Variants in PRTG observed in about 807,000 individuals in gnomAD.
PRTG encodes protogenin, also known as immunoglobulin superfamily, DCC subclass, member 5.
Under a neutral mutation model 122.5 loss-of-function variants are expected in PRTG, and 67 were observed. That is an observed-to-expected ratio of 0.55 (90% CI 0.45 to 0.67). The LOEUF is 0.67. PRTG is among the 30% of genes least tolerant of loss of function. PRTG has a pLI of 0.00. For synonymous variants in PRTG, 554 were observed against 501.1 expected, an observed-to-expected ratio of 1.11 and a Z score of -1.41; for missense variants, 1,435 against 1,415.4, an observed-to-expected ratio of 1.01 and a Z score of -0.22.
chr15:55,693,190 C>T (rs906371435), intron 2 of PRTG, among the ~76,000 whole-genome samples: 1 of 152,034 alleles, frequency 6.6e-6, no homozygotes, highest in African/African-American at 2.4e-5. Context: ...GGTGTGGTGG[C>T]TCACGCCTAT....
At chr15:55,720,554 C>T (rs2030776936) in intron 2 of PRTG, among the ~76,000 whole-genome samples, 1 of 152,122 alleles carries the variant, frequency 6.6e-6, no homozygotes, top group African/African-American at 2.4e-5. Context: ...ATTTTGTACT[C>T]ATGTGGTCGT....
intron 2 of PRTG, among the ~76,000 whole-genome samples, chr15:55,714,205 GTCTC>G (rs3049129): frequency 3.9e-4 from 56 of 142,776 alleles, no homozygotes; most frequent in Middle Eastern, 3.5e-3. Context: ...CTATTTATCT[GTCTC>G]TCTCTCTCTC....
rs1366411728 is a variant in PRTG at position 55,619,758 on chromosome 15, T to A, written c.*254A>T. On this transcript the variant is annotated 3_prime_UTR_variant, in exon 20 of 20. Transcript: ENST00000389286. ...AAAACAAAACACATTCAAAAAAAGC[T>A]AAAATACCCCATAAAGATATTAAGA... is the stretch of plus-strand genomic sequence containing the variant. 1.1e-5 allele frequency: 5 copies of A among 473,828 alleles called. No homozygotes were observed. The highest frequency in any genetic ancestry group is 1.8e-5 in the Non-Finnish European group (5 of 280,860). The allele number at this position is 473,828 out of a possible 1,614,324, so 29.4% of individuals were successfully genotyped here.
chr15:55,611,942 G>A lies in PRTG; in HGVS notation c.*8070C>T, dbSNP rs980232890. On this transcript the variant is annotated 3_prime_UTR_variant, in exon 20 of 20. Transcript: ENST00000389286. Reference sequence around the variant, plus strand: ...AAGAAAATGGTATACGGAGTGAAAGGATCCAGAACACCCATAATACAAAAT... The same window carrying A: ...AAGAAAATGGTATACGGAGTGAAAGAATCCAGAACACCCATAATACAAAAT... The A allele has an allele frequency of 6.6e-6, 1 of 151,666 alleles. No individual in the cohort carries two copies. Among genetic ancestry groups the A allele is most frequent in the African/African-American group, 2.4e-5 (1 of 41,270 alleles). 9.4% of individuals were successfully genotyped at this position (151,666 alleles called of 1,614,324 possible). A position where few individuals can be genotyped will look rare whatever the true frequency, so the allele number is the denominator to read the frequency against.
Position 55,680,570 on chromosome 15 carries a change from T to C in PRTG, c.735A>G (p.Thr245=), listed in dbSNP as rs781031095. The C allele has an allele frequency of 1.3e-6, 2 of 1,599,730 alleles. No individual in the cohort carries two copies. The highest frequency in any genetic ancestry group is 1.1e-5 in the South Asian group (1 of 87,218). ...PTIIAGPQNI[T]TSLHQTVVLE... is the part of the protein sequence containing the mutation. ...AAACTACAGTCTGATGAAGAGATGT[T>C]GTTATGTTCTGTGGACCTGCTATAA... is the stretch of plus-strand genomic sequence containing the variant. The change falls in exon 5 of 20, where the codon ACA becomes ACG. Residue 245 remains threonine (T), a synonymous_variant. Transcript: ENST00000389286.
At chr15:55,734,306 A>C (rs1368925674) in intron 2 of PRTG, among the ~76,000 whole-genome samples, 3 of 152,220 alleles carry the variant, frequency 2.0e-5, no homozygotes, top group African/African-American at 7.2e-5. Context: ...AAACTTTAAA[A>C]GGGTGACTCT....
At chr15:55,682,767 T>A (rs1363126525) in intron 3 of PRTG, among the ~76,000 whole-genome samples, 1 of 152,044 alleles carries the variant, frequency 6.6e-6, no homozygotes, top group Non-Finnish European at 1.5e-5. Flanking sequence ...TTCACCATGA[T>A]GATCAGGCTG....
rs8035477 is a variant in PRTG at position 55,738,002 on chromosome 15, C to A, written c.397+2380G>T. On this transcript the variant is annotated intron_variant, in intron 2 of 19. Coordinates refer to ENST00000389286, the MANE Select transcript of PRTG (RefSeq NM_173814.6). ...TCTCTCTCTCTCTCTCTCTCTCTCT[C>A]TATATATATATATATATATATATAC... is the stretch of plus-strand genomic sequence containing the variant. 7.7e-3 allele frequency among the ~76,000 whole-genome samples: 748 copies of A among 96,614 alleles called. 9 individuals carry two copies. The highest frequency in any genetic ancestry group is 0.016 in the African/African-American group (433 of 26,896). 63.4% of individuals were successfully genotyped at this position (96,614 alleles called of 152,430 possible).
At chr15:55,730,255 C>T (rs1175207990) in intron 2 of PRTG, among the ~76,000 whole-genome samples, 1 of 151,934 alleles carries the variant, frequency 6.6e-6, no homozygotes, top group Admixed American at 6.6e-5. Context: ...GTACTTGCCA[C>T]CACGCCCAGC....
At chr15:55,667,227 T>G (rs2059443866) in intron 11 of PRTG, among the ~76,000 whole-genome samples, 1 of 150,890 alleles carries the variant, frequency 6.6e-6, no homozygotes, top group African/African-American at 2.4e-5. Flanking sequence ...AAAAAACAGA[T>G]AATGCACTGT....
intron 11 of PRTG, among the ~76,000 whole-genome samples, chr15:55,652,696 G>A (rs2059359439): frequency 6.6e-6 from 1 of 152,190 alleles, no homozygotes; most frequent in African/African-American, 2.4e-5. Context: ...AGGGAGCCGA[G>A]TGAAACGCTA....
At position 55,612,019 on chromosome 15, in the gene PRTG, G is replaced by T. The variant is rs921513169; in HGVS notation, c.*7993C>A. On this transcript the variant is annotated 3_prime_UTR_variant, in exon 20 of 20. Coordinates refer to ENST00000389286, the MANE Select transcript of PRTG (RefSeq NM_173814.6). ...TTAATTCACATCTTTGAAGAAAATA[G>T]AAAAAAAAAAATCATACACACAGAC... 5 of 149,482 alleles carry T rather than the reference G, an allele frequency of 3.3e-5. No individual in the cohort carries two copies. Among genetic ancestry groups the T allele is most frequent in the African/African-American group, 1.2e-4 (5 of 40,748 alleles). 9.3% of individuals were successfully genotyped at this position (149,482 alleles called of 1,614,324 possible). A position where few individuals can be genotyped will look rare whatever the true frequency, so the allele number is the denominator to read the frequency against.
rs547985764 is a variant in PRTG at position 55,630,211 on chromosome 15, C to A, written c.2624-1207G>T. On this transcript the variant is annotated intron_variant, in intron 15 of 19. Transcript: ENST00000389286. ...CCGTGTTAGCCAGGATGGTCTCGATCTCCTGCCCTCGTGATCTGCCCGCCT... is the reference window on the plus strand; with the variant it reads ...CCGTGTTAGCCAGGATGGTCTCGATATCCTGCCCTCGTGATCTGCCCGCCT... Among the ~76,000 whole-genome samples, 7 of 152,308 alleles carry A rather than the reference C, an allele frequency of 4.6e-5. No homozygotes were observed. The East Asian group carries it at 1.3e-3, about 29-fold the overall frequency.
chr15:55,678,029 G>C lies in PRTG; in HGVS notation c.1149C>G (p.Asn383Lys), dbSNP rs1295394380. ...TAGCATCATCTTCAGGAATAATCTG[G>C]TTAATTACCAATTTACTAGGGAAAG... ...IKMYNSKLVI[N>K]QIIPEDDAIY... Residue 383 changes from asparagine to lysine, a missense_variant, in exon 8 of 20, where the codon AAC becomes AAG. Coordinates refer to ENST00000389286, the MANE Select transcript of PRTG (RefSeq NM_173814.6). The C allele has an allele frequency of 6.3e-7, 1 of 1,583,666 alleles. No homozygotes were observed. The highest frequency in any genetic ancestry group is 1.3e-5 in the African/African-American group (1 of 74,312).
chr15:55,640,370 C>T (rs186339768), intron 12 of PRTG, among the ~76,000 whole-genome samples: 26 of 152,292 alleles, frequency 1.7e-4, no homozygotes, highest in Admixed American at 1.6e-3. Flanking sequence ...ACCACTGTCA[C>T]ATATGTGGTC....
chr15:55,740,625 T>C lies in PRTG; in HGVS notation c.154A>G (p.Arg52Gly). The C allele has an allele frequency of 1.2e-6, 2 of 1,614,180 alleles. No homozygotes were observed. Among genetic ancestry groups the C allele is most frequent in the Non-Finnish European group, 1.7e-6 (2 of 1,180,018 alleles). Reference protein sequence around the residue: ...VKEPQDVTVTRKDPVVLDCQA... With the variant: ...VKEPQDVTVTGKDPVVLDCQA... Reference sequence around the variant, plus strand: ...CAATCTAAAACGACTGGGTCCTTTCTTGTGACAGTTACATCCTGTGGTTCT... The same window carrying C: ...CAATCTAAAACGACTGGGTCCTTTCCTGTGACAGTTACATCCTGTGGTTCT... The change falls in exon 2 of 20, where the codon AGA becomes GGA. Residue 52 changes from arginine (R) to glycine (G), a missense_variant. Coordinates refer to ENST00000389286, the MANE Select transcript of PRTG (RefSeq NM_173814.6).
In PRTG at chr15:55,673,576, C is replaced by A. The variant is rs768004694; in HGVS notation, c.1647G>T (p.Val549=). 1 of 1,614,176 alleles carries A rather than the reference C, an allele frequency of 6.2e-7. No individual in the cohort carries two copies. The highest frequency in any genetic ancestry group is 8.5e-7 in the Non-Finnish European group (1 of 1,180,036). The change falls in exon 10 of 20, where the codon GTG becomes GTT. Residue 549 remains valine (V), a synonymous_variant. Coordinates refer to ENST00000389286, the MANE Select transcript of PRTG (RefSeq NM_173814.6). The part of the protein sequence containing the change: ...PIPAKYRRGQ[V]VLYRLSFRLS... ...GGCGGAAAGACAAGCGATACAGCAC[C>A]ACTTGGCCCCGCCGATATTTGGCTG...
At chr15:55,717,430 C>T (rs1429978825) in intron 2 of PRTG, among the ~76,000 whole-genome samples, 4 of 152,118 alleles carry the variant, frequency 2.6e-5, no homozygotes, top group African/African-American at 9.7e-5. Flanking sequence ...AGTAATTCTA[C>T]GCAAGAGAAA....
intron 11 of PRTG, among the ~76,000 whole-genome samples, chr15:55,651,576 T>C (rs908900876): frequency 6.6e-6 from 1 of 152,182 alleles, no homozygotes; most frequent in African/African-American, 2.4e-5. Flanking sequence ...ATTCAAACTT[T>C]ATGGACTCTT....
Sources: gnomAD v4.1 joint callset for allele counts (sites outside exome capture counted in the v4.1 genomes callset) on GRCh38, gnomAD v4.1.1 for gene constraint, MANE v1.5 for transcripts, NCBI Gene and HGNC (gene_info 2026-07-23, HGNC 2026-07-21) for gene names.